SLC26A5: variants seen among roughly 807,000 people sequenced by gnomAD.
The protein encoded by SLC26A5 is solute carrier family 26 member 5, also known as prestin.
Under a neutral mutation model 81.0 loss-of-function variants are expected in SLC26A5, and 51 were observed. The observed-to-expected ratio is 0.63, with a 90% CI of 0.50 to 0.80. SLC26A5 has a LOEUF of 0.80. SLC26A5 is among the 30% of genes least tolerant of loss of function. The pLI, the probability that SLC26A5 is intolerant of heterozygous loss-of-function variation, is 0.00. For missense variants in SLC26A5, 771 were observed against 905.8 expected (o/e 0.85, Z 1.91); for synonymous variants, 325 against 332.8 (o/e 0.98, Z 0.25).
At chr7:103,442,203 G>C (rs1018450148) in intron 2 of SLC26A5, among the ~76,000 whole-genome samples, 2 of 151,954 alleles carry the variant, frequency 1.3e-5, no homozygotes, top group African/African-American at 2.4e-5. Context: ...GTATAGTGGC[G>C]CAATCTCGGC....
intron 6 of SLC26A5, among the ~76,000 whole-genome samples, chr7:103,410,873 C>T (rs182239235): frequency 2.2e-4 from 33 of 152,250 alleles, no homozygotes; most frequent in African/African-American, 7.0e-4. Context: ...TTGTGATTCG[C>T]CTGCCTCAGC....
chr7:103,409,950 G>A lies in SLC26A5; in HGVS notation c.735+435C>T, dbSNP rs193206818. On this transcript the variant is annotated intron_variant, in intron 7 of 19. Transcript: ENST00000306312. ...TCTCGATCTCCTGACCTCGTGATCCGCCCATCTAGCCCTTTCAAAGTGCTG... is the reference window on the plus strand; with the variant it reads ...TCTCGATCTCCTGACCTCGTGATCCACCCATCTAGCCCTTTCAAAGTGCTG... Among the ~76,000 whole-genome samples, 103 of 152,166 alleles carry A rather than the reference G, an allele frequency of 6.8e-4. 3 individuals are homozygous for A. The highest frequency in any genetic ancestry group is 6.0e-3 in the Admixed American group (92 of 15,282).
intron 2 of SLC26A5, among the ~76,000 whole-genome samples, chr7:103,429,483 T>C (rs993841858): frequency 1.3e-5 from 2 of 152,212 alleles, no homozygotes; most frequent in Non-Finnish European, 2.9e-5. Context: ...ACACAGCAAA[T>C]AGCAAAAGTC....
chr7:103,399,621 G>C lies in SLC26A5; in HGVS notation c.889-1607C>G, dbSNP rs182403264. 5.3e-5 allele frequency among the ~76,000 whole-genome samples: 8 copies of C among 152,188 alleles called. No homozygotes were observed. In the East Asian group the frequency reaches 1.2e-3, roughly 22 times the overall value. On this transcript the variant is annotated intron_variant, in intron 8 of 19. Transcript: ENST00000306312. ...CTTTAAGTTCTGGGATACATGTGCA[G>C]AATGTGCAGGTTACATACATACACA... is the stretch of plus-strand genomic sequence containing the variant.
intron 14 of SLC26A5, among the ~76,000 whole-genome samples, chr7:103,385,297 G>C (rs1277130316): frequency 6.6e-6 from 1 of 152,076 alleles, no homozygotes; most frequent in Non-Finnish European, 1.5e-5. Context: ...CCAGTAGCTG[G>C]AACTACAGGC....
chr7:103,416,527 CCTGAGTGTATTGATGCTA>C (rs1257836287), intron 4 of SLC26A5, among the ~76,000 whole-genome samples: 1 of 152,166 alleles, frequency 6.6e-6, no homozygotes, highest in Non-Finnish European at 1.5e-5. Flanking sequence ...AATGTGGGAG[CCTGAGTGTATTGATGCTA>C]CTGATTGCAA....
At chr7:103,412,091 G>C (rs1378425273) in intron 5 of SLC26A5, among the ~76,000 whole-genome samples, 1 of 152,178 alleles carries the variant, frequency 6.6e-6, no homozygotes, top group African/African-American at 2.4e-5. Context: ...AAAAGGGAGA[G>C]AGGAAGAATT....
At chr7:103,412,962 C>T (rs1419004462) in intron 5 of SLC26A5, 40 bp downstream of exon 5, 2 of 1,401,712 alleles carry the variant, frequency 1.4e-6, no homozygotes, top group East Asian at 2.3e-5. Context: ...GTTGGAAATA[C>T]ACAAGGAAAG....
intron 19 of SLC26A5, chr7:103,368,638 C>T (rs981400704): frequency 6.6e-5 from 10 of 152,040 alleles, no homozygotes; most frequent in Non-Finnish European, 1.3e-4. Context: ...ATATGTTTTG[C>T]ATTGCCATTT....
chr7:103,441,906 G>C (rs1369774568), intron 2 of SLC26A5, among the ~76,000 whole-genome samples: 1 of 152,188 alleles, frequency 6.6e-6, no homozygotes, highest in East Asian at 1.9e-4. Context: ...GGCATGTTTA[G>C]GTTTGGTTAC....
rs781777872 is a variant in SLC26A5, at chr7:103,374,427, T to C, written c.2207A>G (p.Asn736Ser). Residue 736 changes from asparagine (N) to serine (S), a missense_variant, in exon 20 of 20, where the codon AAT (asparagine) becomes AGT (serine). Asn to Ser is a conservative substitution (Grantham distance 46, BLOSUM62 1). Transcript: ENST00000306312. ...TGCCTCAGGAGTGGCAGGAGTGGCA[T>C]TGGGCTCCAAGTCCTCCTGGGAAGG... ...APPSQEDLEP[N>S]ATPATPEA is the part of the protein sequence containing the mutation. The C allele has an allele frequency of 9.8e-5, 158 of 1,612,416 alleles. No homozygotes were observed. Among genetic ancestry groups the C allele is most frequent in the Non-Finnish European group, 1.3e-4 (151 of 1,180,002 alleles).
chr7:103,379,406 C>A (rs1821610164), intron 15 of SLC26A5, 71 bp from the exon 16 acceptor site: 1 of 1,003,786 alleles, frequency 1.0e-6, no homozygotes, highest in Non-Finnish European at 1.5e-6. Flanking sequence ...AGCTTCCCCA[C>A]CCCAAATAGA....
chr7:103,426,253 C>T (rs1269485421), intron 2 of SLC26A5, among the ~76,000 whole-genome samples: 7 of 152,140 alleles, frequency 4.6e-5, no homozygotes, highest in Non-Finnish European at 8.8e-5. Flanking sequence ...CTGTCACAAC[C>T]ATTTCATTGT....
intron 12 of SLC26A5, among the ~76,000 whole-genome samples, chr7:103,389,633 C>A (rs1822485809): frequency 1.3e-5 from 2 of 151,944 alleles, no homozygotes; most frequent in Non-Finnish European, 2.9e-5. Context: ...TTTCTTTTTT[C>A]TTTTTTTGAG....
chr7:103,391,412 A>G (rs1822642406), intron 11 of SLC26A5, among the ~76,000 whole-genome samples: 1 of 152,208 alleles, frequency 6.6e-6, no homozygotes, highest in Non-Finnish European at 1.5e-5. Flanking sequence ...TAACTTTCCA[A>G]TGTAACTGGA....
downstream of SLC26A5, chr7:103,374,183 T>C: frequency 7.4e-7 from 1 of 1,353,738 alleles, no homozygotes; most frequent in Non-Finnish European, 9.5e-7. Context: ...TGTCTCTCCA[T>C]AATAAATGCA....
intron 14 of SLC26A5, chr7:103,388,514 A>T: frequency 4.5e-6 from 1 of 222,538 alleles, no homozygotes; most frequent in African/African-American, 2.3e-5. Flanking sequence ...TATTTTTTTA[A>T]TTTATTTTAT....
intron 19 of SLC26A5, chr7:103,352,983 C>T: frequency 1.3e-6 from 1 of 780,012 alleles, no homozygotes; most frequent in Non-Finnish European, 2.4e-6. Flanking sequence ...TTTTTTACCA[C>T]TCTGTCTATT....
chr7:103,405,252 G>C (rs944357677), intron 8 of SLC26A5, among the ~76,000 whole-genome samples: 1 of 152,128 alleles, frequency 6.6e-6, no homozygotes, highest in Non-Finnish European at 1.5e-5. Context: ...ATCCTTTGAA[G>C]GAGAAGAGGT....
Sources: allele counts gnomAD v4.1 joint callset (sites outside exome capture counted in the v4.1 genomes callset), GRCh38; gene constraint gnomAD v4.1.1; transcripts MANE v1.5; gene names NCBI Gene and HGNC (gene_info 2026-07-23, HGNC 2026-07-21).